The following NTM variants were observed in gnomAD, a reference collection of about 807,000 sequenced individuals.
The protein encoded by NTM is neurotrimin.
In NTM, 13 loss-of-function variants were observed where a neutral mutation model predicts 42.1. The ratio of observed to expected loss-of-function variants is 0.31; its 90% CI spans 0.20 to 0.49. The LOEUF is 0.49. NTM is among the 20% of genes least tolerant of loss of function. NTM has a pLI of 0.99. For missense variants in NTM, 373 were observed against 452.8 expected, an observed-to-expected ratio of 0.82 and a Z score of 1.60; for synonymous variants, 187 against 179.2, an observed-to-expected ratio of 1.04 and a Z score of -0.35.
At chr11:131,714,558 A>G (rs2077494443) in intron 1 of NTM, among the ~76,000 whole-genome samples, 2 of 152,158 alleles carry the variant, frequency 1.3e-5, no homozygotes, top group Admixed American at 1.3e-4. Context: ...ATCATTTTAG[A>G]GAAACAGTGT....
intron 4 of NTM, among the ~76,000 whole-genome samples, chr11:132,263,153 C>T (rs566166727): frequency 6.6e-6 from 1 of 152,318 alleles, no homozygotes; most frequent in East Asian, 1.9e-4. Flanking sequence ...GTCCTGCGCC[C>T]ACAGTTCTGC....
chr11:132,306,220 ACACTGTTATGG>A, intron 4 of NTM: 1 of 152,238 alleles, frequency 6.6e-6, no homozygotes, highest in African/African-American at 2.4e-5. Context: ...AGTGACTTCA[ACACTGTTATGG>A]AACACATACA....
rs562113846 is a variant in NTM, at chr11:132,335,411, G to A, written c.*265G>A. On this transcript the variant is annotated 3_prime_UTR_variant, in exon 9 of 9. Transcript: ENST00000683400. ...CAAACGGGAAGAACACAGCACACCC[G>A]GCTTGGACCCACTGCAAGCTGCATC... The A allele has an allele frequency of 2.9e-5, 12 of 415,888 alleles. No homozygotes were observed. In the East Asian group the frequency reaches 3.6e-4, roughly 13 times the overall value. The allele number at this position is 415,888 out of a possible 1,614,324, so 25.8% of individuals were successfully genotyped here. A position where few individuals can be genotyped will look rare whatever the true frequency, so the allele number is the denominator to read the frequency against.
intron 1 of NTM, among the ~76,000 whole-genome samples, chr11:131,478,890 T>C (rs750140709): frequency 2.0e-5 from 3 of 152,244 alleles, no homozygotes; most frequent in Non-Finnish European, 1.5e-5. Flanking sequence ...CCAGTCTGGT[T>C]CTTTACTTGG....
At chr11:132,314,390 A>G (rs1469778379) in intron 6 of NTM, 162 bp from the exon 7 acceptor site, 1 of 323,932 alleles carries the variant, frequency 3.1e-6, no homozygotes. Context: ...ACTGTCTGTG[A>G]ACTACTACTA....
chr11:131,707,999 T>C (rs1317555357), intron 1 of NTM, among the ~76,000 whole-genome samples: 1 of 152,126 alleles, frequency 6.6e-6, no homozygotes, highest in Non-Finnish European at 1.5e-5. Flanking sequence ...TGAAGGGATC[T>C]TACACAGAGG....
intron 4 of NTM, among the ~76,000 whole-genome samples, chr11:132,272,529 T>C (rs572873589): frequency 6.6e-6 from 1 of 152,240 alleles, no homozygotes; most frequent in South Asian, 2.1e-4. Flanking sequence ...TCCCAATTAT[T>C]TAGATCTTCT....
chr11:132,063,112 G>T (rs1594246129), intron 2 of NTM, among the ~76,000 whole-genome samples: 1 of 152,146 alleles, frequency 6.6e-6, no homozygotes, highest in East Asian at 1.9e-4. Context: ...CCCTCCTCTT[G>T]GTTTGCAGAT....
At position 131,676,723 on chromosome 11, in the gene NTM, A is replaced by G. The variant is rs1036835360; in HGVS notation, c.83-234841A>G. On this transcript the variant is annotated intron_variant, in intron 1 of 8. Transcript: ENST00000683400. Reference sequence around the variant, plus strand: ...CTTCGTTGAAAATTTTAAACCTTCAAAAATGTAATAAAAGTAGTGTATTGA... The same window carrying G: ...CTTCGTTGAAAATTTTAAACCTTCAGAAATGTAATAAAAGTAGTGTATTGA... 2.7e-4 allele frequency among the ~76,000 whole-genome samples: 41 copies of G among 151,402 alleles called. 1 individual carries two copies.
At chr11:132,098,228 T>G (rs2136507341) in intron 2 of NTM, among the ~76,000 whole-genome samples, 1 of 152,290 alleles carries the variant, frequency 6.6e-6, no homozygotes, top group Admixed American at 6.5e-5. Context: ...AGCCAAACAG[T>G]GTAACTTTGT....
chr11:132,138,342 T>C (rs1331871536), intron 2 of NTM, among the ~76,000 whole-genome samples: 1 of 152,120 alleles, frequency 6.6e-6, no homozygotes, highest in Non-Finnish European at 1.5e-5. Flanking sequence ...AGCTTGCCGG[T>C]ATATGAATTA....
chr11:132,244,100 C>A (rs1303884223), intron 4 of NTM, among the ~76,000 whole-genome samples: 1 of 152,216 alleles, frequency 6.6e-6, no homozygotes, highest in African/African-American at 2.4e-5. Context: ...GAGACGGGCC[C>A]TCTGCCATCC....
chr11:131,856,239 A>G (rs2046084967), intron 1 of NTM, among the ~76,000 whole-genome samples: 1 of 152,130 alleles, frequency 6.6e-6, no homozygotes, highest in Non-Finnish European at 1.5e-5. Context: ...CAGAAACTCC[A>G]TCTCTAAGAG....
chr11:131,810,027 C>G (rs778389779), intron 1 of NTM, among the ~76,000 whole-genome samples: 1 of 152,338 alleles, frequency 6.6e-6, no homozygotes, highest in South Asian at 2.1e-4. Flanking sequence ...ATCTGTGACA[C>G]AGATTTATCG....
chr11:132,104,617 C>G (rs11222924), intron 2 of NTM, among the ~76,000 whole-genome samples: 8 of 148,082 alleles, frequency 5.4e-5, no homozygotes, highest in Non-Finnish European at 7.4e-5. Flanking sequence ...TAGTAATAAT[C>G]ATAATAATAA....
chr11:132,170,555 G>A (rs557040315), intron 3 of NTM, among the ~76,000 whole-genome samples: 1 of 152,168 alleles, frequency 6.6e-6, no homozygotes, highest in African/African-American at 2.4e-5. Flanking sequence ...ATTTAATTAA[G>A]AGCTATGAAT....
At chr11:131,845,495 C>T (rs1465618622) in intron 1 of NTM, among the ~76,000 whole-genome samples, 1 of 152,040 alleles carries the variant, frequency 6.6e-6, no homozygotes, top group African/African-American at 2.4e-5. Flanking sequence ...TCAGGCCCTC[C>T]CCCAGCCCTA....
intron 1 of NTM, among the ~76,000 whole-genome samples, chr11:131,856,664 C>G (rs1052961444): frequency 1.3e-5 from 2 of 152,108 alleles, no homozygotes; most frequent in Non-Finnish European, 2.9e-5. Flanking sequence ...TATGTAATAC[C>G]AGCCAAAAGA....
chr11:132,275,319 G>C (rs2093662608), intron 4 of NTM, among the ~76,000 whole-genome samples: 1 of 151,820 alleles, frequency 6.6e-6, no homozygotes, highest in Non-Finnish European at 1.5e-5. Context: ...GAATTATATT[G>C]GTGACTTTTC....
Sources: allele counts gnomAD v4.1 joint callset (sites outside exome capture counted in the v4.1 genomes callset), GRCh38; gene constraint gnomAD v4.1.1; transcripts MANE v1.5; gene names NCBI Gene and HGNC (gene_info 2026-07-23, HGNC 2026-07-21).